FAT3: variants seen among roughly 807,000 people sequenced by gnomAD.
FAT3 encodes the protein protocadherin Fat 3.
FAT3 carries 95 observed loss-of-function variants against 310.2 expected under a neutral mutation model. The observed-to-expected ratio is 0.31, with a 90% CI of 0.26 to 0.36. The LOEUF is 0.36. Ranked by LOEUF, FAT3 falls within the 10% of genes least tolerant of loss-of-function variation. The pLI, the probability that FAT3 is intolerant of heterozygous loss-of-function variation, is 1.00. For missense variants in FAT3, 5,408 were observed against 5,715.6 expected, an observed-to-expected ratio of 0.95 and a Z score of 1.74; for synonymous variants, 2,314 against 2,192.9, an observed-to-expected ratio of 1.06 and a Z score of -1.54.
At chr11:92,705,436 ATGGTGGTGGTGTGATGGTGGTGTGATGG>A (rs1944258789) in intron 4 of FAT3, among the ~76,000 whole-genome samples, 2 of 16,574 alleles carry the variant, frequency 1.2e-4, no homozygotes, top group African/African-American at 1.9e-4. Flanking sequence ...GGTGGTGGTG[ATGGTGGTGGTGTGATGGTGGTGTGATGG>A]TGGTGGTGGT....
intron 2 of FAT3, among the ~76,000 whole-genome samples, chr11:92,380,987 C>A (rs1949481040): frequency 6.6e-6 from 1 of 152,148 alleles, no homozygotes; most frequent in African/African-American, 2.4e-5. Context: ...TTTTCATCAC[C>A]CTACCATCAC....
rs373133292 is a variant in FAT3 at position 92,644,783 on chromosome 11, G to C, written c.3608-52601G>C. 3.2e-4 allele frequency among the ~76,000 whole-genome samples: 49 copies of C among 152,340 alleles called. 2 individuals carry two copies. The East Asian group carries it at 6.6e-3, about 20-fold the overall frequency. On this transcript the variant is annotated intron_variant, in intron 3 of 27. Coordinates refer to ENST00000525166, the MANE Select transcript of FAT3 (RefSeq NM_001367949.2). Reference sequence around the variant, plus strand: ...TTGCACTTTGGGGGCAGAGTCAGAAGTTAATTGAAGCGGCTGCCACATCGC... The same window carrying C: ...TTGCACTTTGGGGGCAGAGTCAGAACTTAATTGAAGCGGCTGCCACATCGC...
intron 2 of FAT3, among the ~76,000 whole-genome samples, chr11:92,399,253 T>C (rs1309839839): frequency 6.6e-6 from 1 of 152,220 alleles, no homozygotes; most frequent in Non-Finnish European, 1.5e-5. Flanking sequence ...ACATCATGTT[T>C]CTTGCATAAA....
At chr11:92,282,032 G>A (rs1946438002) in intron 1 of FAT3, among the ~76,000 whole-genome samples, 1 of 151,724 alleles carries the variant, frequency 6.6e-6, no homozygotes, top group South Asian at 2.1e-4. Flanking sequence ...CAGTCTCCTG[G>A]GGAGCTAGGA....
intron 2 of FAT3, among the ~76,000 whole-genome samples, chr11:92,490,848 A>G (rs1178871568): frequency 6.6e-6 from 1 of 152,086 alleles, no homozygotes; most frequent in East Asian, 1.9e-4. Flanking sequence ...CTTGATGTAT[A>G]TATTTCATTT....
At chr11:92,429,011 C>G (rs1204450325) in intron 2 of FAT3, among the ~76,000 whole-genome samples, 3 of 152,174 alleles carry the variant, frequency 2.0e-5, no homozygotes, top group Non-Finnish European at 4.4e-5. Context: ...GTGTGGGAGT[C>G]TAAGTCTCTT....
At chr11:92,848,745 C>T (rs1249000920) in intron 19 of FAT3, among the ~76,000 whole-genome samples, 5 of 152,198 alleles carry the variant, frequency 3.3e-5, no homozygotes, top group South Asian at 2.1e-4. Flanking sequence ...CGAAGCCCTG[C>T]GATGTACAGA....
Position 92,232,627 on chromosome 11 carries a change from CG to C in FAT3, c.-18+7454del, listed in dbSNP as rs1245970313. On this transcript the variant is annotated intron_variant, in intron 1 of 27. Coordinates refer to ENST00000525166, the MANE Select transcript of FAT3 (RefSeq NM_001367949.2). ...TTGTGCTTCTTGACTTCAGTGATGTCGTTTTTTTTTTTTTTTTTTTTTTTTT... is the reference window on the plus strand; with the variant it reads ...TTGTGCTTCTTGACTTCAGTGATGTCTTTTTTTTTTTTTTTTTTTTTTTTT... Among the ~76,000 whole-genome samples the C allele has an allele frequency of 1.8e-4, 16 of 88,084 alleles. No homozygotes were observed. In the East Asian group the frequency reaches 3.4e-3, roughly 18 times the overall value. The allele number at this position is 88,084 out of a possible 152,430, so 57.8% of individuals were successfully genotyped here. A position where few individuals can be genotyped will look rare whatever the true frequency, so the allele number is the denominator to read the frequency against.
Position 92,321,048 on chromosome 11 carries a change from T to C in FAT3, c.-17-31048T>C, listed in dbSNP as rs554706103. 8.5e-5 allele frequency among the ~76,000 whole-genome samples: 13 copies of C among 152,220 alleles called. No individual in the cohort carries two copies. In the East Asian group the frequency reaches 2.3e-3, roughly 27 times the overall value. ...TATATAAAACTCAAATTCCTAGAGA[T>C]AGGAAATTGTATAATTAGGGTAAAT... On this transcript the variant is annotated intron_variant, in intron 1 of 27. Transcript: ENST00000525166.
chr11:92,666,866 T>C (rs1385512350), intron 3 of FAT3, among the ~76,000 whole-genome samples: 10 of 152,260 alleles, frequency 6.6e-5, no homozygotes, highest in South Asian at 4.1e-4. Context: ...TGGACCAGCC[T>C]GAGCACACAT....
intron 2 of FAT3, among the ~76,000 whole-genome samples, chr11:92,359,579 C>G (rs1271937461): frequency 6.7e-6 from 1 of 149,898 alleles, no homozygotes; most frequent in East Asian, 2.0e-4. Flanking sequence ...GCTGCACCCA[C>G]TAACTCGTCA....
At chr11:92,830,757 A>C (rs962033050) in intron 13 of FAT3, among the ~76,000 whole-genome samples, 4 of 151,986 alleles carry the variant, frequency 2.6e-5, no homozygotes, top group African/African-American at 9.7e-5. Context: ...CCCTCTTTCC[A>C]ATTGCTCAGG....
At chr11:92,606,798 C>G (rs138353682) in intron 3 of FAT3, among the ~76,000 whole-genome samples, 1 of 152,284 alleles carries the variant, frequency 6.6e-6, no homozygotes, top group African/African-American at 2.4e-5. Flanking sequence ...AATCACAAGC[C>G]TGTTTCTTAA....
rs557817955 is a variant in FAT3 at position 92,738,683 on chromosome 11, G to A, written c.3670-23173G>A. 4.6e-5 allele frequency among the ~76,000 whole-genome samples: 7 copies of A among 152,276 alleles called. No individual in the cohort carries two copies. In the South Asian group the frequency reaches 1.2e-3, roughly 27 times the overall value. On this transcript the variant is annotated intron_variant, in intron 4 of 27. Transcript: ENST00000525166. Reference sequence around the variant, plus strand: ...ACTTCCCCATTTATGCAACAAATATGTTTAGTTAATTTTTCCTGGAAAAGT... The same window carrying A: ...ACTTCCCCATTTATGCAACAAATATATTTAGTTAATTTTTCCTGGAAAAGT...
At chr11:92,621,216 C>T (rs576329342) in intron 3 of FAT3, among the ~76,000 whole-genome samples, 13 of 152,214 alleles carry the variant, frequency 8.5e-5, no homozygotes, top group African/African-American at 2.9e-4. Context: ...GTCTCCTTCC[C>T]AGTCAGCCAA....
In FAT3 at chr11:92,799,379, C is replaced by T; in HGVS notation, c.6366C>T (p.Val2122=). 1 of 1,613,756 alleles carries T rather than the reference C, an allele frequency of 6.2e-7. No homozygotes were observed. Among genetic ancestry groups the T allele is most frequent in the Non-Finnish European group, 8.5e-7 (1 of 1,179,812 alleles). The change falls in exon 10 of 28, where the codon GTC becomes GTT. Residue 2122 remains valine (V), a synonymous_variant. Transcript: ENST00000525166. The stretch of plus-strand genomic sequence containing the variant: ...GTCCAAATGGAGAAGTGACCTATGT[C>T]CTGCAGGATGACTATGGCCACTTTG... ...DKGPNGEVTY[V]LQDDYGHFEI...
intron 2 of FAT3, among the ~76,000 whole-genome samples, chr11:92,362,095 C>T (rs752365967): frequency 8.5e-5 from 13 of 152,170 alleles, no homozygotes; most frequent in African/African-American, 2.4e-4. Context: ...CTCACAGGCC[C>T]GTGCCTATGC....
chr11:92,532,793 G>A (rs1009831580), intron 3 of FAT3, among the ~76,000 whole-genome samples: 2 of 152,102 alleles, frequency 1.3e-5, no homozygotes, highest in African/African-American at 2.4e-5. Flanking sequence ...CTTAATGCCA[G>A]CCTTCTGACG....
intron 3 of FAT3, among the ~76,000 whole-genome samples, chr11:92,549,786 C>A (rs1320906500): frequency 2.0e-5 from 3 of 152,106 alleles, no homozygotes; most frequent in Non-Finnish European, 4.4e-5. Flanking sequence ...GGACCCAAGG[C>A]CAGATTCATT....
Sources: allele counts gnomAD v4.1 joint callset (sites outside exome capture counted in the v4.1 genomes callset), GRCh38; gene constraint gnomAD v4.1.1; transcripts MANE v1.5; gene names NCBI Gene and HGNC (gene_info 2026-07-23, HGNC 2026-07-21).